The following CACNA2D3 variants were observed in gnomAD, a reference collection of about 807,000 sequenced individuals.
CACNA2D3 encodes the protein calcium voltage-gated channel auxiliary subunit alpha2delta 3, also known as voltage-dependent calcium channel subunit alpha-2/delta-3.
Under a neutral mutation model 160.6 loss-of-function variants are expected in CACNA2D3, and 60 were observed. The ratio of observed to expected loss-of-function variants is 0.37; its 90% confidence interval spans 0.30 to 0.46. The LOEUF is 0.46. Ranked by LOEUF, CACNA2D3 falls within the 20% of genes least tolerant of loss-of-function variation. The pLI, the probability that CACNA2D3 is intolerant of heterozygous loss-of-function variation, is 1.00. For synonymous variants in CACNA2D3, 558 were observed against 492.9 expected, an observed-to-expected ratio of 1.13 and a Z score of -1.75; for missense variants, 1,205 against 1,365.0, an observed-to-expected ratio of 0.88 and a Z score of 1.85.
rs564561812 is a variant in CACNA2D3, at chr3:54,882,301, G to A, written c.1912+1438G>A. On this transcript the variant is annotated intron_variant, in intron 21 of 37. Coordinates refer to ENST00000474759, the MANE Select transcript of CACNA2D3 (RefSeq NM_018398.3). ...TCAGAACAATAGGAGAGGTTATTAA[G>A]AGATATTAACTGCCTCTCATGCGTC... is the stretch of plus-strand genomic sequence containing the variant. Among the ~76,000 whole-genome samples the A allele has an allele frequency of 3.9e-5, 6 of 152,328 alleles. No individual in the cohort carries two copies. In the East Asian group the frequency reaches 1.2e-3, roughly 29 times the overall value.
intron 4 of CACNA2D3, among the ~76,000 whole-genome samples, chr3:54,408,323 G>C (rs539515450): frequency 6.6e-6 from 1 of 152,010 alleles, no homozygotes; most frequent in Non-Finnish European, 1.5e-5. Context: ...ACATAATATC[G>C]TAATTTTCCA....
intron 5 of CACNA2D3, among the ~76,000 whole-genome samples, chr3:54,529,932 G>A (rs1347182319): frequency 6.6e-6 from 1 of 152,176 alleles, no homozygotes; most frequent in Non-Finnish European, 1.5e-5. Context: ...GACAGCTTCT[G>A]TGGCTGTAGG....
chr3:54,470,153 A>C (rs898676826), intron 4 of CACNA2D3, among the ~76,000 whole-genome samples: 6 of 152,258 alleles, frequency 3.9e-5, no homozygotes, highest in Non-Finnish European at 8.8e-5. Context: ...GTTGAAATGA[A>C]GGAAAAAATG....
rs539646971 is a variant in CACNA2D3 at position 54,546,050 on chromosome 3, C to G, written c.545-16750C>G. Among the ~76,000 whole-genome samples the G allele has an allele frequency of 3.3e-5, 5 of 152,188 alleles. No individual in the cohort carries two copies. In the South Asian group the frequency reaches 1.0e-3, roughly 32 times the overall value. Reference sequence around the variant, plus strand: ...CATCTGAAGATCCCCTATTCTGCCTCGGTAGGGTTAGGAAAAGATGTGATG... The same window carrying G: ...CATCTGAAGATCCCCTATTCTGCCTGGGTAGGGTTAGGAAAAGATGTGATG... On this transcript the variant is annotated intron_variant, in intron 5 of 37. Coordinates refer to ENST00000474759, the MANE Select transcript of CACNA2D3 (RefSeq NM_018398.3).
At chr3:54,225,526 T>A (rs1577010744) in intron 2 of CACNA2D3, among the ~76,000 whole-genome samples, 1 of 152,334 alleles carries the variant, frequency 6.6e-6, no homozygotes, top group South Asian at 2.1e-4. Flanking sequence ...ATCTGAATAT[T>A]TTCTGTTGAC....
At chr3:54,821,641 G>GTTCTTTCTTTCTTTTTCT (rs1553873527) in intron 14 of CACNA2D3, among the ~76,000 whole-genome samples, 47 of 107,828 alleles carry the variant, frequency 4.4e-4, no homozygotes, top group South Asian at 1.3e-3. Context: ...AGAGTCTTTC[G>GTTCTTTCTTTCTTTTTCT]TTCTTTCTTT....
intron 5 of CACNA2D3, among the ~76,000 whole-genome samples, chr3:54,534,111 G>A (rs1005108065): frequency 2.4e-4 from 37 of 151,968 alleles, no homozygotes; most frequent in African/African-American, 8.0e-4. Flanking sequence ...GACCACCCTG[G>A]TCCAGGCTGC....
chr3:54,860,418 A>G (rs769164802), intron 17 of CACNA2D3, among the ~76,000 whole-genome samples: 13 of 152,098 alleles, frequency 8.5e-5, no homozygotes, highest in Non-Finnish European at 1.8e-4. Context: ...TCTAGTAGTA[A>G]CTGGGAGGGG....
intron 14 of CACNA2D3, among the ~76,000 whole-genome samples, chr3:54,822,791 C>T (rs9311541): frequency 0.11 from 4,476 of 42,118 alleles, 151 homozygotes; most frequent in African/African-American, 0.16. Context: ...TCTTTCTTTC[C>T]TTTCTTTCTT....
At chr3:54,966,937 G>A (rs1295999249) in intron 27 of CACNA2D3, 3 of 152,106 alleles carry the variant, frequency 2.0e-5, no homozygotes, top group Non-Finnish European at 4.4e-5. Flanking sequence ...CCTATGGGTC[G>A]TCTGTGTACT....
chr3:54,721,250 G>T (rs1427223155), intron 11 of CACNA2D3, among the ~76,000 whole-genome samples: 2 of 152,060 alleles, frequency 1.3e-5, no homozygotes, highest in Non-Finnish European at 2.9e-5. Flanking sequence ...CATGATTATT[G>T]TCATTTTAAA....
chr3:54,593,943 CTA>C (rs1212567867), intron 9 of CACNA2D3, among the ~76,000 whole-genome samples: 1 of 152,114 alleles, frequency 6.6e-6, no homozygotes, highest in African/African-American at 2.4e-5. Flanking sequence ...AGTACAGAAA[CTA>C]TGCTCAATTC....
chr3:54,627,681 G>T, intron 9 of CACNA2D3, 106 bp from the exon 10 acceptor site: 2 of 729,314 alleles, frequency 2.7e-6, no homozygotes, highest in Middle Eastern at 4.6e-4. Flanking sequence ...TGACCGGTTG[G>T]ATCTGACAAT....
chr3:54,440,298 T>G (rs1427373924), intron 4 of CACNA2D3, among the ~76,000 whole-genome samples: 1 of 152,140 alleles, frequency 6.6e-6, no homozygotes, highest in African/African-American at 2.4e-5. Flanking sequence ...TAGTTGTTTT[T>G]CTTTAAGGCT....
chr3:54,391,513 TTTC>T (rs1699281079), intron 4 of CACNA2D3, among the ~76,000 whole-genome samples: 13 of 139,918 alleles, frequency 9.3e-5, no homozygotes, highest in African/African-American at 1.5e-4. Context: ...TCTTTCTTTC[TTTC>T]TTTTTTTTTT....
chr3:54,563,067 TCAGGGTG>T (rs1702352502), intron 6 of CACNA2D3, 136 bp downstream of exon 6: 1 of 808,606 alleles, frequency 1.2e-6, no homozygotes, highest in East Asian at 3.3e-5. Flanking sequence ...AAACCTATTG[TCAGGGTG>T]CAGGACAGGA....
At chr3:54,973,051 A>G (rs930948326) in intron 29 of CACNA2D3, among the ~76,000 whole-genome samples, 7 of 152,126 alleles carry the variant, frequency 4.6e-5, no homozygotes, top group Non-Finnish European at 8.8e-5. Flanking sequence ...GAGTAAACTG[A>G]CATGCGGTAG....
In CACNA2D3 at chr3:54,158,263, T is replaced by C. The variant is rs533752969; in HGVS notation, c.204+34669T>C. 4.1e-4 allele frequency among the ~76,000 whole-genome samples: 63 copies of C among 152,366 alleles called. 2 individuals are homozygous for C. The South Asian group carries it at 8.1e-3, about 20-fold the overall frequency. ...GGTGCAGCCAGATCCCCATACCTGCTAATTTAGCTCCTTTTGTGAGCTATT... is the reference window on the plus strand; with the variant it reads ...GGTGCAGCCAGATCCCCATACCTGCCAATTTAGCTCCTTTTGTGAGCTATT... On this transcript the variant is annotated intron_variant, in intron 2 of 37. Coordinates refer to ENST00000474759, the MANE Select transcript of CACNA2D3 (RefSeq NM_018398.3).
chr3:54,244,950 G>A (rs531244339), intron 2 of CACNA2D3, among the ~76,000 whole-genome samples: 20 of 152,236 alleles, frequency 1.3e-4, no homozygotes, highest in African/African-American at 2.2e-4. Context: ...CCTTTTATGC[G>A]GAAGCCAGAA....
Sources: gnomAD v4.1 joint callset for allele counts (sites outside exome capture counted in the v4.1 genomes callset) on GRCh38, gnomAD v4.1.1 for gene constraint, MANE v1.5 for transcripts, NCBI Gene and HGNC (gene_info 2026-07-23, HGNC 2026-07-21) for gene names.